The following GSTO1 variants were observed in gnomAD, a reference collection of about 807,000 sequenced individuals.
GSTO1 encodes the protein glutathione S-transferase omega-1.
A neutral mutation model predicts 23.8 loss-of-function variants in GSTO1; 27 were observed. That is an observed-to-expected ratio of 1.13 (90% CI 0.83 to 1.56). GSTO1 has a LOEUF of 1.56. Among genes scored for constraint, GSTO1 ranks in the 40% most tolerant of loss-of-function variants. The pLI, the probability that GSTO1 is intolerant of heterozygous loss-of-function variation, is 0.00. For missense variants in GSTO1, 255 were observed against 285.8 expected (o/e 0.89, Z 0.78); for synonymous variants, 105 against 109.3 (o/e 0.96, Z 0.25).
At chr10:104,255,294 C>A in intron 2 of GSTO1, 23 bp downstream of exon 2, 2 of 1,504,882 alleles carry the variant, frequency 1.3e-6, no homozygotes, top group Non-Finnish European at 1.8e-6. Flanking sequence ...GCGGGGGACG[C>A]TCCCCGAGCC....
Position 104,266,166 on chromosome 10 carries a change from G to A in GSTO1, c.548G>A (p.Arg183Gln), listed in dbSNP as rs1292504288. 3.1e-6 allele frequency: 5 copies of A among 1,602,770 alleles called. No homozygotes were observed. Among genetic ancestry groups the A allele is most frequent in the Admixed American group, 1.7e-5 (1 of 59,966 alleles). ...TACCTCATCTGGCCCTGGTTTGAACGGCTGGAAGCAATGAAGTTAAATGAG... is the reference window on the plus strand; with the variant it reads ...TACCTCATCTGGCCCTGGTTTGAACAGCTGGAAGCAATGAAGTTAAATGAG... ...IDYLIWPWFE[R>Q]LEAMKLNECV... The change falls in exon 5 of 6, where the codon CGG becomes CAG. Residue 183 changes from arginine (R) to glutamine (Q), a missense_variant. Arg to Gln is a conservative substitution (Grantham distance 43). Transcript: ENST00000369713.
At chr10:104,259,426 T>C in intron 2 of GSTO1, 150 bp from the exon 3 acceptor site, 1 of 605,170 alleles carries the variant, frequency 1.7e-6, no homozygotes, top group Non-Finnish European at 2.9e-6. Context: ...GTAGTCAGAT[T>C]CATAAAATCA....
chr10:104,255,149 C>A lies in GSTO1; in HGVS notation c.35-14C>A. 1 of 1,602,088 alleles carries A rather than the reference C, an allele frequency of 6.2e-7. No homozygotes were observed. Among genetic ancestry groups the A allele is most frequent in the Non-Finnish European group, 8.6e-7 (1 of 1,169,506 alleles). ...CCTCTCTGGGCCGTAATCGCCTTCG[C>A]TTCTCCCCGGCAGGAAGCGCGCCCC... On this transcript the variant is annotated splice_polypyrimidine_tract_variant and intron_variant, in intron 1 of 5. Coordinates refer to ENST00000369713, the MANE Select transcript of GSTO1 (RefSeq NM_004832.3).
At position 104,259,718 on chromosome 10, in the gene GSTO1, G is replaced by A; in HGVS notation, c.286G>A (p.Ala96Thr). 1.2e-6 allele frequency: 2 copies of A among 1,613,076 alleles called. No homozygotes were observed. The highest frequency in any genetic ancestry group is 2.2e-5 in the South Asian group (2 of 91,060). ...CATCACCTGTGAGTACCTGGATGAA[G>A]CATACCCAGGGAAGAAGCTGTTGCC... is the stretch of plus-strand genomic sequence containing the variant. The part of the protein sequence containing the change: ...SAITCEYLDE[A>T]YPGKKLLPDD... The change falls in exon 3 of 6, where the codon GCA becomes ACA. Residue 96 changes from alanine (A) to threonine (T), a missense_variant. Coordinates refer to ENST00000369713, the MANE Select transcript of GSTO1 (RefSeq NM_004832.3).
At chr10:104,256,288 T>C (rs1189055548) in intron 2 of GSTO1, among the ~76,000 whole-genome samples, 1 of 152,238 alleles carries the variant, frequency 6.6e-6, no homozygotes, top group African/African-American at 2.4e-5. Flanking sequence ...TTTGCTGTGA[T>C]AGAACTCTTT....
chr10:104,265,570 G>A (rs116695250), intron 4 of GSTO1, among the ~76,000 whole-genome samples: 161 of 152,294 alleles, frequency 1.1e-3, no homozygotes, highest in African/African-American at 3.6e-3. Context: ...ACACCTCTAC[G>A]ACAGTGGTTC....
At chr10:104,266,724 A>C (rs1212684622) in intron 5 of GSTO1, among the ~76,000 whole-genome samples, 2 of 139,492 alleles carry the variant, frequency 1.4e-5, no homozygotes, top group Non-Finnish European at 3.0e-5. Context: ...AGAGCAAGAC[A>C]CTTCATCAAA....
chr10:104,257,215 A>C (rs184463921), intron 2 of GSTO1, among the ~76,000 whole-genome samples: 5 of 152,308 alleles, frequency 3.3e-5, no homozygotes, highest in African/African-American at 1.2e-4. Context: ...CCTAAATACA[A>C]TCTGACTATA....
At chr10:104,260,506 A>G (rs1447262078) in intron 3 of GSTO1, among the ~76,000 whole-genome samples, 1 of 152,234 alleles carries the variant, frequency 6.6e-6, no homozygotes, top group Non-Finnish European at 1.5e-5. Context: ...TCAAGCAGTG[A>G]GCATCTACTT....
chr10:104,265,962 A>G (rs1047692873), intron 4 of GSTO1, 122 bp from the exon 5 acceptor site: 56 of 558,480 alleles, frequency 1.0e-4, no homozygotes, highest in Non-Finnish European at 4.0e-5. Flanking sequence ...AAAAAACCCA[A>G]CTTGGATACA....
rs11509439 is a variant in GSTO1, at chr10:104,267,386, C to T, written c.707C>T (p.Ala236Val). The T allele has an allele frequency of 1.1e-3, 1,694 of 1,611,542 alleles. 38 individuals are homozygous for T. The Admixed American group carries it at 0.027, about 25-fold the overall frequency. ...LELYLQNSPE[A>V]CDYGL is the part of the protein sequence containing the mutation. ...CTCTACTTACAGAACAGCCCTGAGG[C>T]CTGTGACTATGGGCTCTGAAGGGGG... Residue 236 changes from alanine (A) to valine (V), a missense_variant, in exon 6 of 6, where the codon GCC becomes GTC. Ala to Val is a moderately conservative substitution (Grantham distance 64, BLOSUM62 0). Transcript: ENST00000369713.
intron 2 of GSTO1, among the ~76,000 whole-genome samples, chr10:104,257,811 A>G (rs2011108437): frequency 6.6e-6 from 1 of 152,246 alleles, no homozygotes; most frequent in South Asian, 2.1e-4. Flanking sequence ...TTAGCCATAA[A>G]TGGAGTATCT....
rs1205799739 is a variant in GSTO1, at chr10:104,254,899, C to T, written c.-30C>T. 6.2e-7 allele frequency: 1 copy of T among 1,608,962 alleles called. No individual in the cohort carries two copies. Among genetic ancestry groups the T allele is most frequent in the Non-Finnish European group, 8.5e-7 (1 of 1,177,482 alleles). On this transcript the variant is annotated 5_prime_UTR_variant, in exon 1 of 6. Coordinates refer to ENST00000369713, the MANE Select transcript of GSTO1 (RefSeq NM_004832.3). ...CTACTTCCTGAATCCCCTGCAAACC[C>T]CAGAGGAGCTCGGCCTGCGCTGCGC...
At position 104,266,240 on chromosome 10, in the gene GSTO1, G is replaced by A. The variant is rs771519848; in HGVS notation, c.572+50G>A. Reference sequence around the variant, plus strand: ...ATAATTTAGGATGACAGGTGGAATAGTATATATTGACCTTTCTTTATAACA... The same window carrying A: ...ATAATTTAGGATGACAGGTGGAATAATATATATTGACCTTTCTTTATAACA... On this transcript the variant is annotated intron_variant, in intron 5 of 5. Coordinates refer to ENST00000369713, the MANE Select transcript of GSTO1 (RefSeq NM_004832.3). 4.4e-5 allele frequency: 42 copies of A among 960,430 alleles called. 1 individual carries two copies. The highest frequency in any genetic ancestry group is 7.0e-5 in the Non-Finnish European group (41 of 588,386). The allele number at this position is 960,430 out of a possible 1,614,324, so 59.5% of individuals were successfully genotyped here.
At chr10:104,257,587 C>T (rs2135052969) in intron 2 of GSTO1, among the ~76,000 whole-genome samples, 1 of 152,250 alleles carries the variant, frequency 6.6e-6, no homozygotes, top group Admixed American at 6.5e-5. Flanking sequence ...GCAATCCGCC[C>T]ACTGCAGTCT....
chr10:104,256,145 T>C (rs759955667), intron 2 of GSTO1, among the ~76,000 whole-genome samples: 20 of 152,304 alleles, frequency 1.3e-4, no homozygotes, highest in African/African-American at 3.8e-4. Context: ...AAAGGTAAAA[T>C]GCATTTAAAA....
upstream of GSTO1, chr10:104,254,652 C>T (rs373389514): frequency 1.7e-4 from 89 of 537,582 alleles, no homozygotes; most frequent in African/African-American, 1.7e-3. Flanking sequence ...CCCCTTCGTT[C>T]GGGGGCGGAG....
rs760104472 is a variant in GSTO1, at chr10:104,254,957, G to A, written c.29G>A (p.Gly10Glu). 2.5e-6 allele frequency: 4 copies of A among 1,609,688 alleles called. No individual in the cohort carries two copies. The highest frequency in any genetic ancestry group is 3.4e-6 in the Non-Finnish European group (4 of 1,178,598). Residue 10 changes from glycine to glutamate, a missense_variant, in exon 1 of 6, where the codon GGG becomes GAG. By Grantham distance (98) the Gly-to-Glu change is moderately conservative. Transcript: ENST00000369713. MSGESARSL[G>E]KGSAPPGPVP... Reference sequence around the variant, plus strand: ...TCCGGGGAGTCAGCCAGGAGCTTGGGGAAGGGTGAGGCCTGCCCGCCGCGA... The same window carrying A: ...TCCGGGGAGTCAGCCAGGAGCTTGGAGAAGGGTGAGGCCTGCCCGCCGCGA...
chr10:104,267,188 G>C, intron 5 of GSTO1, 64 bp from the exon 6 acceptor site: 2 of 1,004,564 alleles, frequency 2.0e-6, no homozygotes, highest in Non-Finnish European at 1.5e-6. Context: ...TTACATATGG[G>C]AGACTCTGTG....
Sources: gnomAD v4.1 joint callset for allele counts (sites outside exome capture counted in the v4.1 genomes callset) on GRCh38, gnomAD v4.1.1 for gene constraint, MANE v1.5 for transcripts, NCBI Gene and HGNC (gene_info 2026-07-23, HGNC 2026-07-21) for gene names.